ERC1: variants seen among roughly 807,000 people sequenced by gnomAD.
The protein encoded by ERC1 is RAB6 interacting protein 2.
Under a neutral mutation model 132.0 loss-of-function variants are expected in ERC1, and 56 were observed. The ratio of observed to expected loss-of-function variants is 0.42; its 90% confidence interval spans 0.34 to 0.53. The LOEUF is 0.53. Ranked by LOEUF, ERC1 falls within the 20% of genes least tolerant of loss-of-function variation. The pLI is 0.03. For missense variants in ERC1, 1,202 were observed against 1,349.9 expected, an observed-to-expected ratio of 0.89 and a Z score of 1.72; for synonymous variants, 478 against 476.1, an observed-to-expected ratio of 1.00 and a Z score of -0.05.
intron 7 of ERC1, among the ~76,000 whole-genome samples, chr12:1,134,241 A>C (rs578098144): frequency 1.3e-5 from 2 of 152,272 alleles, no homozygotes; most frequent in East Asian, 3.9e-4. Flanking sequence ...AATTTAAAAC[A>C]ATTATATTCT....
intron 2 of ERC1, among the ~76,000 whole-genome samples, chr12:1,057,112 C>T (rs1364906031): frequency 6.6e-6 from 1 of 151,986 alleles, no homozygotes; most frequent in African/African-American, 2.4e-5. Flanking sequence ...GGATCATATG[C>T]TTGTTTTATT....
At chr12:1,286,655 A>ATAT (rs1566488117) in intron 14 of ERC1, among the ~76,000 whole-genome samples, 2 of 152,196 alleles carry the variant, frequency 1.3e-5, no homozygotes, top group East Asian at 1.9e-4. Flanking sequence ...GAAAACTACC[A>ATAT]TATTTGTCTA....
At chr12:1,251,424 A>T (rs780103470) in intron 13 of ERC1, among the ~76,000 whole-genome samples, 1 of 152,036 alleles carries the variant, frequency 6.6e-6, no homozygotes, top group Non-Finnish European at 1.5e-5. Flanking sequence ...GGCTTTTTCT[A>T]TATAGAATAT....
intron 12 of ERC1, among the ~76,000 whole-genome samples, chr12:1,202,633 G>A (rs570122055): frequency 6.6e-6 from 1 of 152,152 alleles, no homozygotes; most frequent in Non-Finnish European, 1.5e-5. Flanking sequence ...CTCTAGCCTA[G>A]GTGACAGGTG....
intron 17 of ERC1, among the ~76,000 whole-genome samples, chr12:1,422,561 C>T (rs898286911): frequency 6.6e-6 from 1 of 151,884 alleles, no homozygotes; most frequent in African/African-American, 2.4e-5. Flanking sequence ...AATAGCATTG[C>T]ATTGTATAGA....
At chr12:1,168,184 G>A (rs762056489) in intron 8 of ERC1, among the ~76,000 whole-genome samples, 7 of 152,030 alleles carry the variant, frequency 4.6e-5, no homozygotes, top group African/African-American at 7.2e-5. Context: ...GTAGTGGTGC[G>A]ATCGTGGCTC....
chr12:1,246,297 C>G (rs1028362319), intron 13 of ERC1, among the ~76,000 whole-genome samples: 4 of 151,432 alleles, frequency 2.6e-5, no homozygotes, highest in African/African-American at 9.7e-5. Flanking sequence ...ACAAAGGAGA[C>G]TGGCAGTTTT....
chr12:1,094,858 G>C (rs1943808049), intron 3 of ERC1, among the ~76,000 whole-genome samples: 1 of 152,144 alleles, frequency 6.6e-6, no homozygotes, highest in Non-Finnish European at 1.5e-5. Flanking sequence ...CGAAAAAGTG[G>C]TAACAGTTCT....
chr12:1,183,616 A>C (rs1337211812), intron 11 of ERC1, among the ~76,000 whole-genome samples, 195 bp downstream of exon 11: 1 of 152,208 alleles, frequency 6.6e-6, no homozygotes, highest in African/African-American at 2.4e-5. Flanking sequence ...CCAAATCTTT[A>C]AAAATTGACA....
At chr12:1,012,260 ATACT>A (rs1565780285) in intron 1 of ERC1, among the ~76,000 whole-genome samples, 1 of 152,154 alleles carries the variant, frequency 6.6e-6, no homozygotes, top group Admixed American at 6.6e-5. Context: ...GAAGAAACAA[ATACT>A]TACTGGGTTC....
chr12:1,113,627 A>G (rs2154208750), intron 6 of ERC1, among the ~76,000 whole-genome samples: 1 of 152,372 alleles, frequency 6.6e-6, no homozygotes, highest in Middle Eastern at 3.4e-3. Flanking sequence ...TATATTAAAA[A>G]GGGAAATATT....
At chr12:1,236,227 T>TAG (rs929637852) in intron 12 of ERC1, among the ~76,000 whole-genome samples, 1 of 152,140 alleles carries the variant, frequency 6.6e-6, no homozygotes, top group Non-Finnish European at 1.5e-5. Context: ...AGACCAATAG[T>TAG]AGAGAGAGAC....
chr12:1,245,758 A>G (rs553748327), intron 13 of ERC1, among the ~76,000 whole-genome samples: 127 of 152,330 alleles, frequency 8.3e-4, no homozygotes, highest in Non-Finnish European at 1.3e-3. Flanking sequence ...GTCATTTATC[A>G]TGGCCTTAGA....
intron 4 of ERC1, among the ~76,000 whole-genome samples, chr12:1,105,065 C>T (rs1055051848): frequency 8.5e-5 from 13 of 152,322 alleles, no homozygotes; most frequent in South Asian, 4.1e-4. Flanking sequence ...ATCAGCTATT[C>T]GCAGATGTCT....
intron 3 of ERC1, among the ~76,000 whole-genome samples, chr12:1,092,475 C>T (rs575312264): frequency 6.6e-6 from 1 of 152,288 alleles, no homozygotes; most frequent in Admixed American, 6.5e-5. Context: ...ATCATTTCAG[C>T]TGAGGTATGA....
At chr12:1,393,624 G>C (rs1366531058) in intron 16 of ERC1, among the ~76,000 whole-genome samples, 1 of 149,364 alleles carries the variant, frequency 6.7e-6, no homozygotes. Flanking sequence ...GTGTGTGTGT[G>C]TGTGTGTGTG....
intron 2 of ERC1, among the ~76,000 whole-genome samples, chr12:1,058,817 G>T: frequency 7.1e-6 from 1 of 141,368 alleles, no homozygotes; most frequent in African/African-American, 2.7e-5. Context: ...TAAGAGACGA[G>T]GTCTTGCTCT....
chr12:1,384,686 A>C (rs1290885529), intron 16 of ERC1, among the ~76,000 whole-genome samples: 1 of 152,218 alleles, frequency 6.6e-6, no homozygotes, highest in Admixed American at 6.5e-5. Flanking sequence ...TTCCCCCTAT[A>C]TTTCAAAAGT....
intron 12 of ERC1, among the ~76,000 whole-genome samples, chr12:1,193,005 G>T (rs1251737809): frequency 2.0e-5 from 3 of 152,088 alleles, no homozygotes; most frequent in African/African-American, 7.2e-5. Context: ...TTTCTTAAGG[G>T]TGTTCAGCAA....
Sources: allele counts gnomAD v4.1 joint callset (sites outside exome capture counted in the v4.1 genomes callset), GRCh38; gene constraint gnomAD v4.1.1; transcripts MANE v1.5; gene names NCBI Gene and HGNC (gene_info 2026-07-23, HGNC 2026-07-21).